The following CENPU variants were observed in gnomAD, a reference collection of about 807,000 sequenced individuals.
CENPU encodes the protein KSHV latent nuclear antigen interacting protein 1.
In CENPU, 46 loss-of-function variants were observed where a neutral mutation model predicts 56.7. The observed-to-expected ratio is 0.81, with a 90% CI of 0.64 to 1.04. CENPU has a LOEUF of 1.04. CENPU is among the 50% of genes least tolerant of loss of function. The probability of loss-of-function intolerance (pLI) is 0.00; values close to 1 mark genes in which losing one functional copy is unlikely to be tolerated. For missense variants in CENPU, 510 were observed against 490.1 expected, an observed-to-expected ratio of 1.04 and a Z score of -0.38; for synonymous variants, 166 against 163.0, an observed-to-expected ratio of 1.02 and a Z score of -0.14.
rs1049887248 is a variant in CENPU at position 184,702,252 on chromosome 4, G to A, written c.876+111C>T. On this transcript the variant is annotated intron_variant, in intron 9 of 12. Coordinates refer to ENST00000281453, the MANE Select transcript of CENPU (RefSeq NM_024629.4). ...TATGTGGAATATGAATAGTTCTAATGAGTTTATTACCATACTGCCAGCAAA... is the reference window on the plus strand; with the variant it reads ...TATGTGGAATATGAATAGTTCTAATAAGTTTATTACCATACTGCCAGCAAA... 4.8e-6 allele frequency: 6 copies of A among 1,237,672 alleles called. 1 individual carries two copies. The highest frequency in any genetic ancestry group is 2.5e-5 in the South Asian group (2 of 81,190). 76.7% of individuals were successfully genotyped at this position (1,237,672 alleles called of 1,614,324 possible).
intron 1 of CENPU, 81 bp from the exon 2 acceptor site, chr4:184,731,049 G>C: frequency 2.3e-6 from 2 of 875,676 alleles, no homozygotes; most frequent in Admixed American, 5.1e-5. Context: ...CCCTTTCCGC[G>C]CATTTTTACC....
intron 8 of CENPU, among the ~76,000 whole-genome samples, chr4:184,706,092 G>A (rs1343781666): frequency 6.6e-6 from 1 of 151,904 alleles, no homozygotes; most frequent in African/African-American, 2.4e-5. Flanking sequence ...AACGCATAAT[G>A]GCAAATTTTA....
chr4:184,699,668 C>CT lies in CENPU; in HGVS notation c.986+1151dup, dbSNP rs1554010092. Reference sequence around the variant, plus strand: ...CACTTAAACTCCTGTGGCAGTCTCTCTTTTTTTTTTGAGACACAGTTTCAC... The same window carrying CT: ...CACTTAAACTCCTGTGGCAGTCTCTCTTTTTTTTTTTGAGACACAGTTTCAC... On this transcript the variant is annotated intron_variant, in intron 11 of 12. Coordinates refer to ENST00000281453, the MANE Select transcript of CENPU (RefSeq NM_024629.4). 8,184 of 1,065,130 alleles carry CT rather than the reference C, an allele frequency of 7.7e-3. 55 individuals carry two copies. The highest frequency in any genetic ancestry group is 0.046 in the African/African-American group (2,724 of 59,322). The allele number at this position is 1,065,130 out of a possible 1,614,324, so 66.0% of individuals were successfully genotyped here.
In CENPU at chr4:184,724,945, A is replaced by G. The variant is rs767064588; in HGVS notation, c.320+12T>C. The G allele has an allele frequency of 4.6e-6, 7 of 1,530,990 alleles. No homozygotes were observed. Among genetic ancestry groups the G allele is most frequent in the Non-Finnish European group, 6.3e-6 (7 of 1,112,878 alleles). 94.8% of individuals were successfully genotyped at this position (1,530,990 alleles called of 1,614,324 possible). ...AACCATGAATAAACAATTGCTTGAA[A>G]TACACCAGTACCTTCTTTTTGCTTC... On this transcript the variant is annotated intron_variant, in intron 4 of 12. Coordinates refer to ENST00000281453, the MANE Select transcript of CENPU (RefSeq NM_024629.4).
At chr4:184,714,345 G>A (rs1761020927) in intron 6 of CENPU, among the ~76,000 whole-genome samples, 1 of 152,112 alleles carries the variant, frequency 6.6e-6, no homozygotes, top group Admixed American at 6.6e-5. Context: ...ACTGGAGAGA[G>A]GGACAGGTAA....
chr4:184,702,241 A>C, intron 9 of CENPU, 105 bp from the exon 10 acceptor site: 1 of 1,225,902 alleles, frequency 8.2e-7, no homozygotes, highest in Non-Finnish European at 1.2e-6. Context: ...TGGAATATGA[A>C]TAGTTCTAAT....
At chr4:184,722,171 T>C (rs1370278050) in intron 4 of CENPU, among the ~76,000 whole-genome samples, 2 of 152,096 alleles carry the variant, frequency 1.3e-5, no homozygotes, top group African/African-American at 4.8e-5. Context: ...AGAAGGAAGC[T>C]GAAAATTTTC....
intron 1 of CENPU, among the ~76,000 whole-genome samples, chr4:184,732,279 C>T (rs1436345493): frequency 6.6e-6 from 1 of 151,612 alleles, no homozygotes; most frequent in East Asian, 1.9e-4. Flanking sequence ...CTGTTCAGAG[C>T]GGTGGTTCCC....
chr4:184,728,708 T>A (rs1761537741), intron 3 of CENPU, among the ~76,000 whole-genome samples: 1 of 152,194 alleles, frequency 6.6e-6, no homozygotes, highest in Non-Finnish European at 1.5e-5. Flanking sequence ...TGAATACTAC[T>A]AGACGAGTGC....
chr4:184,733,218 A>G (rs1285669720), intron 1 of CENPU: 1 of 569,166 alleles, frequency 1.8e-6, no homozygotes, highest in Non-Finnish European at 2.2e-6. Context: ...CACTGGCCAC[A>G]GAAGTCTGGT....
Position 184,730,854 on chromosome 4 carries a change from G to A in CENPU, c.96+66C>T, listed in dbSNP as rs901655706. 1.2e-5 allele frequency: 15 copies of A among 1,268,810 alleles called. No individual in the cohort carries two copies. The African/African-American group carries it at 1.6e-4, about 13-fold the overall frequency. The allele number at this position is 1,268,810 out of a possible 1,614,324, so 78.6% of individuals were successfully genotyped here. A position where few individuals can be genotyped will look rare whatever the true frequency, so the allele number is the denominator to read the frequency against. ...GCCAAGTGAAGTCTACAAAACTGAG[G>A]TACCCAAAAAATGTTATTTTGTACT... On this transcript the variant is annotated intron_variant, in intron 2 of 12. Transcript: ENST00000281453.
At chr4:184,712,048 G>A (rs1194357440) in intron 7 of CENPU, among the ~76,000 whole-genome samples, 1 of 147,634 alleles carries the variant, frequency 6.8e-6, no homozygotes, top group African/African-American at 2.5e-5. Context: ...TTGAACCTGG[G>A]AGGCAGAAGT....
chr4:184,723,366 G>A (rs1761341582), intron 4 of CENPU, among the ~76,000 whole-genome samples: 1 of 152,064 alleles, frequency 6.6e-6, no homozygotes, highest in African/African-American at 2.4e-5. Flanking sequence ...GGAAGAATCG[G>A]GTTCTAGGAG....
chr4:184,734,014 A>T lies in CENPU; in HGVS notation c.47+2T>A. The T allele has an allele frequency of 6.2e-7, 1 of 1,605,494 alleles. No individual in the cohort carries two copies. The stretch of plus-strand genomic sequence containing the variant: ...GCGCTCCCGAGGGTCGGCAGTACTT[A>T]CCCCTCAGACCTGTGAGGCCGCGGC... On this transcript the variant is annotated splice_donor_variant, in intron 1 of 12. Coordinates refer to ENST00000281453, the MANE Select transcript of CENPU (RefSeq NM_024629.4). LOFTEE classifies it high-confidence loss of function.
At chr4:184,711,827 T>C (rs921925944) in intron 7 of CENPU, among the ~76,000 whole-genome samples, 1 of 152,024 alleles carries the variant, frequency 6.6e-6, no homozygotes, top group African/African-American at 2.4e-5. Flanking sequence ...AAAATGTGTA[T>C]AAAAATGTTC....
chr4:184,731,223 C>G (rs1761634131), intron 1 of CENPU, among the ~76,000 whole-genome samples: 2 of 152,212 alleles, frequency 1.3e-5, no homozygotes, highest in South Asian at 4.1e-4. Context: ...CAGTGATTGA[C>G]TTTCTCTGCA....
chr4:184,706,941 T>G (rs1361155477), intron 8 of CENPU, among the ~76,000 whole-genome samples: 2 of 145,524 alleles, frequency 1.4e-5, no homozygotes, highest in Admixed American at 1.3e-4. Context: ...AAGAAATGAT[T>G]TAGAAGGGGA....
chr4:184,705,352 C>T (rs1159819823), intron 8 of CENPU, among the ~76,000 whole-genome samples: 1 of 152,100 alleles, frequency 6.6e-6, no homozygotes, highest in Non-Finnish European at 1.5e-5. Flanking sequence ...ATTTATATAA[C>T]ATTCCTGAAA....
At chr4:184,716,344 A>G (rs1020301082) in intron 6 of CENPU, 53 bp downstream of exon 6, 6 of 1,229,370 alleles carry the variant, frequency 4.9e-6, no homozygotes, top group Middle Eastern at 3.9e-4. Context: ...TTCTTCCCCA[A>G]AATTTTTCAA....
Sources: allele counts gnomAD v4.1 joint callset (sites outside exome capture counted in the v4.1 genomes callset), GRCh38; gene constraint gnomAD v4.1.1; transcripts MANE v1.5; gene names NCBI Gene and HGNC (gene_info 2026-07-23, HGNC 2026-07-21).